The following FAM171A1 variants were observed in gnomAD, a reference collection of about 807,000 sequenced individuals.
FAM171A1 encodes the protein protein FAM171A1.
FAM171A1 carries 23 observed loss-of-function variants against 74.9 expected under a neutral mutation model. That is an observed-to-expected ratio of 0.31 (90% confidence interval 0.22 to 0.44). The LOEUF is 0.44. FAM171A1 is among the 20% of genes least tolerant of loss of function. The pLI is 1.00. For missense variants in FAM171A1, 1,162 were observed against 1,159.2 expected (o/e 1.00, Z -0.03); for synonymous variants, 527 against 505.7 (o/e 1.04, Z -0.57).
At chr10:15,291,787 G>A (rs1303266392) in intron 1 of FAM171A1, among the ~76,000 whole-genome samples, 4 of 152,094 alleles carry the variant, frequency 2.6e-5, no homozygotes, top group East Asian at 1.9e-4. Flanking sequence ...TACGGTGAAC[G>A]TGCTCTGCTC....
At chr10:15,330,117 G>A (rs1017061621) in intron 1 of FAM171A1, among the ~76,000 whole-genome samples, 6 of 152,116 alleles carry the variant, frequency 3.9e-5, no homozygotes, top group African/African-American at 1.4e-4. Context: ...TGAGGCAGGT[G>A]GATCACTTGA....
chr10:15,330,431 C>G (rs894367255), intron 1 of FAM171A1, among the ~76,000 whole-genome samples: 1 of 151,996 alleles, frequency 6.6e-6, no homozygotes, highest in Non-Finnish European at 1.5e-5. Context: ...TAGGTAAATG[C>G]AAGTAGAAGA....
At chr10:15,215,842 A>G (rs11259549) in intron 7 of FAM171A1, among the ~76,000 whole-genome samples, 154 bp downstream of exon 7, 33,809 of 152,038 alleles carry the variant, frequency 0.22, 3,809 homozygotes, top group East Asian at 0.29. Flanking sequence ...AACTTAGATC[A>G]CAAATGTGAG....
chr10:15,275,072 G>C (rs1419329531), intron 3 of FAM171A1, among the ~76,000 whole-genome samples: 1 of 152,026 alleles, frequency 6.6e-6, no homozygotes, highest in Admixed American at 6.6e-5. Flanking sequence ...TGGACACAGG[G>C]TGGGAAACAT....
intron 1 of FAM171A1, among the ~76,000 whole-genome samples, chr10:15,325,824 G>T (rs1355875067): frequency 6.6e-6 from 1 of 152,132 alleles, no homozygotes; most frequent in African/African-American, 2.4e-5. Flanking sequence ...GGGAAGTGCT[G>T]TTTCACTCCG....
chr10:15,275,603 C>T (rs1041975207), intron 3 of FAM171A1, among the ~76,000 whole-genome samples: 1 of 151,958 alleles, frequency 6.6e-6, no homozygotes, highest in Non-Finnish European at 1.5e-5. Flanking sequence ...TAGTAGGTGG[C>T]CCAAAACTGA....
intron 1 of FAM171A1, among the ~76,000 whole-genome samples, chr10:15,349,267 T>A (rs1835852146): frequency 6.6e-6 from 1 of 152,146 alleles, no homozygotes; most frequent in Non-Finnish European, 1.5e-5. Context: ...CAAGGCTAAG[T>A]GCACATCTGT....
intron 3 of FAM171A1, among the ~76,000 whole-genome samples, chr10:15,269,348 G>C (rs940001949): frequency 6.6e-6 from 1 of 151,768 alleles, no homozygotes; most frequent in African/African-American, 2.4e-5. Flanking sequence ...TGAATGCCTG[G>C]TCTCAAGTGA....
At chr10:15,276,000 C>T in intron 2 of FAM171A1, 53 bp from the exon 3 acceptor site, 4 of 1,325,974 alleles carry the variant, frequency 3.0e-6, no homozygotes, top group South Asian at 1.3e-5. Flanking sequence ...TATTTAAGTG[C>T]CTACTCTAAT....
chr10:15,281,888 G>C (rs1834975104), intron 2 of FAM171A1, among the ~76,000 whole-genome samples: 1 of 152,064 alleles, frequency 6.6e-6, no homozygotes, highest in Non-Finnish European at 1.5e-5. Flanking sequence ...AAACAGATAT[G>C]ATGGGAATGG....
At chr10:15,230,813 T>C (rs1834195910) in intron 5 of FAM171A1, among the ~76,000 whole-genome samples, 1 of 152,360 alleles carries the variant, frequency 6.6e-6, no homozygotes, top group African/African-American at 2.4e-5. Context: ...TAAAATTTAA[T>C]GAGAGACTTC....
chr10:15,324,940 A>G (rs1418501400), intron 1 of FAM171A1, among the ~76,000 whole-genome samples: 1 of 152,162 alleles, frequency 6.6e-6, no homozygotes, highest in African/African-American at 2.4e-5. Context: ...CAGCACTTGC[A>G]CTCCGCATCT....
At chr10:15,367,710 T>C (rs887145924) in intron 1 of FAM171A1, among the ~76,000 whole-genome samples, 2 of 152,232 alleles carry the variant, frequency 1.3e-5, no homozygotes, top group East Asian at 1.9e-4. Context: ...TCAAATGTTA[T>C]AACAGATTGC....
chr10:15,245,688 C>T (rs1443251181), intron 5 of FAM171A1, among the ~76,000 whole-genome samples: 1 of 152,248 alleles, frequency 6.6e-6, no homozygotes, highest in Non-Finnish European at 1.5e-5. Flanking sequence ...ACTGTGCCCC[C>T]CAGACTCCCT....
intron 3 of FAM171A1, among the ~76,000 whole-genome samples, chr10:15,268,602 G>A (rs1160129148): frequency 6.6e-6 from 1 of 152,068 alleles, no homozygotes; most frequent in Admixed American, 6.5e-5. Flanking sequence ...CCCCATTTCA[G>A]TGGGGAGGGT....
At chr10:15,227,314 T>C (rs1834121832) in intron 5 of FAM171A1, among the ~76,000 whole-genome samples, 1 of 152,150 alleles carries the variant, frequency 6.6e-6, no homozygotes, top group Non-Finnish European at 1.5e-5. Context: ...ACAGTGATAT[T>C]TGAAATCCAA....
Position 15,371,254 on chromosome 10 carries a change from C to CGGCGGG in FAM171A1, c.-203_-202insCCCGCC, listed in dbSNP as rs1836144800. On this transcript the variant is annotated 5_prime_UTR_variant, in exon 1 of 8. Coordinates refer to ENST00000378116, the MANE Select transcript of FAM171A1 (RefSeq NM_001010924.2). Reference sequence around the variant, plus strand: ...TTTCCCCGAAGAGCCGCGGCGGCGGCGGCGGCGGCGGCTGCTGCTGCTCCG... The same window carrying CGGCGGG: ...TTTCCCCGAAGAGCCGCGGCGGCGGCGGCGGGGGCGGCGGCGGCTGCTGCTGCTCCG... Among the ~76,000 whole-genome samples, 1 of 144,278 alleles carries CGGCGGG rather than the reference C, an allele frequency of 6.9e-6. No individual in the cohort carries two copies. Among genetic ancestry groups the CGGCGGG allele is most frequent in the South Asian group, 2.2e-4 (1 of 4,606 alleles). The allele number at this position is 144,278 out of a possible 152,430, so 94.7% of individuals were successfully genotyped here.
intron 5 of FAM171A1, among the ~76,000 whole-genome samples, chr10:15,222,833 T>C (rs1834055950): frequency 6.6e-6 from 1 of 152,246 alleles, no homozygotes; most frequent in Non-Finnish European, 1.5e-5. Context: ...CAGCGAGGGC[T>C]CGGCATCTCC....
chr10:15,337,888 C>T (rs1835723023), intron 1 of FAM171A1, among the ~76,000 whole-genome samples: 1 of 152,014 alleles, frequency 6.6e-6, no homozygotes, highest in Admixed American at 6.6e-5. Flanking sequence ...GAGGCAGAGG[C>T]TGCAGTGAGC....
Sources: allele counts gnomAD v4.1 joint callset (sites outside exome capture counted in the v4.1 genomes callset), GRCh38; gene constraint gnomAD v4.1.1; transcripts MANE v1.5; gene names NCBI Gene and HGNC (gene_info 2026-07-23, HGNC 2026-07-21).